The following JAZF1 variants were observed in gnomAD, a reference collection of about 807,000 sequenced individuals.
JAZF1 encodes the protein juxtaposed with another zinc finger protein 1.
In JAZF1, 8 loss-of-function variants were observed where a neutral mutation model predicts 26.4. That is an observed-to-expected ratio of 0.30 (90% CI 0.18 to 0.55). The LOEUF is 0.55. JAZF1 is among the 20% of genes least tolerant of loss of function. The probability of loss-of-function intolerance (pLI) is 0.94; values close to 1 mark genes in which losing one functional copy is unlikely to be tolerated. For synonymous variants in JAZF1, 126 were observed against 122.3 expected (o/e 1.03, Z -0.20); for missense variants, 199 against 322.0 (o/e 0.62, Z 2.92).
chr7:28,171,000 G>A (rs1167230839), intron 1 of JAZF1, among the ~76,000 whole-genome samples: 2 of 151,942 alleles, frequency 1.3e-5, no homozygotes, highest in Non-Finnish European at 2.9e-5. Flanking sequence ...ATCAATCTCG[G>A]GATCCCCCCA....
chr7:27,880,975 T>C (rs1783759233), intron 3 of JAZF1, among the ~76,000 whole-genome samples: 1 of 152,244 alleles, frequency 6.6e-6, no homozygotes, highest in Non-Finnish European at 1.5e-5. Flanking sequence ...GTGCCTGGCC[T>C]GAACTTTTAA....
chr7:28,035,313 CAAAAAAAAAAAAAAAA>C (rs201602870), intron 1 of JAZF1, among the ~76,000 whole-genome samples: 16 of 27,454 alleles, frequency 5.8e-4, no homozygotes, highest in African/African-American at 2.1e-3. Flanking sequence ...GACTCCATCT[CAAAAAAAAAAAAAAAA>C]AAAAAAAAAA....
chr7:28,122,425 A>G (rs1433099811), intron 1 of JAZF1, among the ~76,000 whole-genome samples: 1 of 152,208 alleles, frequency 6.6e-6, no homozygotes, highest in Non-Finnish European at 1.5e-5. Context: ...GACCCAGGTC[A>G]GCCTAACAGT....
chr7:27,937,207 C>T (rs1365178274), intron 2 of JAZF1, among the ~76,000 whole-genome samples: 3 of 152,138 alleles, frequency 2.0e-5, no homozygotes. Flanking sequence ...CTCTTATGTC[C>T]ACAACATTTA....
At chr7:28,123,792 G>T (rs1240575633) in intron 1 of JAZF1, among the ~76,000 whole-genome samples, 2 of 152,128 alleles carry the variant, frequency 1.3e-5, no homozygotes, top group Non-Finnish European at 2.9e-5. Context: ...CTAAGGTCAG[G>T]AAAAAGTGGC....
At chr7:28,170,625 A>G (rs1039039483) in intron 1 of JAZF1, among the ~76,000 whole-genome samples, 1 of 152,136 alleles carries the variant, frequency 6.6e-6, no homozygotes, top group East Asian at 1.9e-4. Context: ...GCCTTGACAC[A>G]TTCAGAAACA....
intron 1 of JAZF1, among the ~76,000 whole-genome samples, chr7:28,103,695 T>A (rs1238269988): frequency 6.6e-6 from 1 of 152,108 alleles, no homozygotes; most frequent in African/African-American, 2.4e-5. Context: ...GTTGACCTTA[T>A]CTCTAAAATC....
In JAZF1 at chr7:28,063,241, G is replaced by T. The variant is rs1313515450; in HGVS notation, c.116-71260C>A. ...GCCTTATTCTAAAACATTTTAACAA[G>T]AATTTGCAGATCCTAATTACTTCCA... On this transcript the variant is annotated intron_variant, in intron 1 of 4. Coordinates refer to ENST00000283928, the MANE Select transcript of JAZF1 (RefSeq NM_175061.4). Among the ~76,000 whole-genome samples, 2 of 152,142 alleles carry T rather than the reference G, an allele frequency of 1.3e-5. 1 individual carries two copies. The highest frequency in any genetic ancestry group is 3.8e-4 in the East Asian group (2 of 5,198).
intron 2 of JAZF1, among the ~76,000 whole-genome samples, chr7:27,958,361 G>A (rs764999155): frequency 1.3e-5 from 2 of 152,190 alleles, no homozygotes; most frequent in Non-Finnish European, 2.9e-5. Context: ...CAAGTAGAGA[G>A]AAACCATTTT....
At chr7:27,880,277 A>T (rs1197824140) in intron 3 of JAZF1, among the ~76,000 whole-genome samples, 2 of 152,202 alleles carry the variant, frequency 1.3e-5, no homozygotes, top group Non-Finnish European at 2.9e-5. Flanking sequence ...AAGGAAAAAA[A>T]ATCCTTTTTG....
intron 3 of JAZF1, among the ~76,000 whole-genome samples, chr7:27,871,323 C>T (rs1478177469): frequency 6.6e-6 from 1 of 152,184 alleles, no homozygotes; most frequent in Non-Finnish European, 1.5e-5. Context: ...GAGATGATCA[C>T]AATCTTTAGC....
At chr7:27,900,091 C>A (rs974694993) in intron 2 of JAZF1, among the ~76,000 whole-genome samples, 3 of 152,118 alleles carry the variant, frequency 2.0e-5, no homozygotes, top group African/African-American at 4.8e-5. Flanking sequence ...GGAATTGTAG[C>A]CCCACTGGGC....
At chr7:27,924,280 C>T (rs1784578627) in intron 2 of JAZF1, among the ~76,000 whole-genome samples, 1 of 152,114 alleles carries the variant, frequency 6.6e-6, no homozygotes. Context: ...GTTTCACCAT[C>T]TTGGCCAGGC....
At chr7:27,969,547 A>T (rs1442886089) in intron 2 of JAZF1, among the ~76,000 whole-genome samples, 1 of 152,142 alleles carries the variant, frequency 6.6e-6, no homozygotes, top group Non-Finnish European at 1.5e-5. Flanking sequence ...AGCCAGGGAA[A>T]AAAGCTCCTG....
chr7:28,005,882 TAAAA>T (rs11355665), intron 1 of JAZF1, among the ~76,000 whole-genome samples: 12 of 138,066 alleles, frequency 8.7e-5, no homozygotes, highest in East Asian at 2.3e-4. Context: ...TTCTGTTGCT[TAAAA>T]AAAAAAAAAA....
intron 3 of JAZF1, among the ~76,000 whole-genome samples, chr7:27,872,478 G>A (rs73685827): frequency 0.022 from 3,318 of 152,280 alleles, 58 homozygotes; most frequent in East Asian, 0.082. Flanking sequence ...TGTGCTCTGT[G>A]GCAAGGGCAG....
At chr7:27,833,242 T>C (rs975452117) in intron 4 of JAZF1, 8 of 218,874 alleles carry the variant, frequency 3.7e-5, no homozygotes, top group African/African-American at 1.4e-4. Context: ...TCCAATTTTA[T>C]ATAAAATATA....
chr7:27,926,826 T>A (rs948965704), intron 2 of JAZF1, among the ~76,000 whole-genome samples: 8 of 152,214 alleles, frequency 5.3e-5, no homozygotes, highest in African/African-American at 1.9e-4. Context: ...ATTGGAGGTA[T>A]GGCAGAGTCC....
intron 2 of JAZF1, among the ~76,000 whole-genome samples, chr7:27,958,946 C>T (rs1453943037): frequency 6.6e-6 from 1 of 152,038 alleles, no homozygotes; most frequent in African/African-American, 2.4e-5. Context: ...ACTAGCAGTA[C>T]CAGTAAAGTG....
Sources: allele counts gnomAD v4.1 joint callset (sites outside exome capture counted in the v4.1 genomes callset), GRCh38; gene constraint gnomAD v4.1.1; transcripts MANE v1.5; gene names NCBI Gene and HGNC (gene_info 2026-07-23, HGNC 2026-07-21).